FEZ1: variants seen among roughly 807,000 people sequenced by gnomAD.
FEZ1 encodes the protein fasciculation and elongation protein zeta-1.
A neutral mutation model predicts 49.3 loss-of-function variants in FEZ1; 20 were observed. That is an observed-to-expected ratio of 0.41 (90% CI 0.29 to 0.59). FEZ1 has a LOEUF of 0.59. Ranked by LOEUF, FEZ1 falls within the 20% of genes least tolerant of loss-of-function variation. The pLI, the probability that FEZ1 is intolerant of heterozygous loss-of-function variation, is 0.36. For missense variants in FEZ1, 413 were observed against 476.0 expected (o/e 0.87, Z 1.23); for synonymous variants, 170 against 180.9 (o/e 0.94, Z 0.48).
In FEZ1 at chr11:125,489,015, A is replaced by G; in HGVS notation, c.311+452T>C. ...TGTGGACATATCCTAACATCTGTAG[A>G]TAACTCTCCAGGCCTGAGGGGCTGT... On this transcript the variant is annotated intron_variant, in intron 2 of 9. Transcript: ENST00000278919. This position sits in a 1 kb window ranked among gnomAD's most constrained non-coding sequence, Gnocchi z 4.2. 2 of 986,052 alleles carry G rather than the reference A, an allele frequency of 2.0e-6. No individual in the cohort carries two copies. The highest frequency in any genetic ancestry group is 2.4e-6 in the Non-Finnish European group (2 of 830,442). 61.1% of individuals were successfully genotyped at this position (986,052 alleles called of 1,614,324 possible). A position where few individuals can be genotyped will look rare whatever the true frequency, so the allele number is the denominator to read the frequency against.
rs1019125235 is a variant in FEZ1 at position 125,444,478 on chromosome 11, G to C, written c.*1617C>G. Among the ~76,000 whole-genome samples, 4 of 152,110 alleles carry C rather than the reference G, an allele frequency of 2.6e-5. No homozygotes were observed. The highest frequency in any genetic ancestry group is 7.2e-5 in the African/African-American group (3 of 41,400). On this transcript the variant is annotated 3_prime_UTR_variant, in exon 10 of 10. Coordinates refer to ENST00000278919, the MANE Select transcript of FEZ1 (RefSeq NM_005103.5). ...TGCATGCCTGTAATCCCAGCTACTC[G>C]GGAGGCTGAGGCAGGAGAATCACTT... is the stretch of plus-strand genomic sequence containing the variant.
At chr11:125,473,383 C>T (rs1250009174) in intron 3 of FEZ1, among the ~76,000 whole-genome samples, 1 of 152,168 alleles carries the variant, frequency 6.6e-6, no homozygotes, top group Non-Finnish European at 1.5e-5. Context: ...CTGTGGAGTG[C>T]CTCGGTAGTC....
At chr11:125,484,616 C>T (rs562234819) in intron 2 of FEZ1, among the ~76,000 whole-genome samples, 7 of 148,380 alleles carry the variant, frequency 4.7e-5, no homozygotes, top group South Asian at 2.1e-4. Context: ...TGCAGTGAGC[C>T]GAGATGGCGC....
chr11:125,449,334 T>G (rs570024056), intron 8 of FEZ1, among the ~76,000 whole-genome samples: 1 of 131,994 alleles, frequency 7.6e-6, no homozygotes, highest in African/African-American at 2.9e-5. Flanking sequence ...GCCACTGCAC[T>G]CCAACCTGGG....
At chr11:125,492,951 A>C (rs1249496665) in intron 1 of FEZ1, among the ~76,000 whole-genome samples, 2 of 150,634 alleles carry the variant, frequency 1.3e-5, no homozygotes, top group Non-Finnish European at 3.0e-5. Context: ...CTGGGTGACA[A>C]AGTGAGACCC....
At chr11:125,478,295 A>T (rs1436564371) in intron 3 of FEZ1, among the ~76,000 whole-genome samples, 1 of 152,158 alleles carries the variant, frequency 6.6e-6, no homozygotes, top group Non-Finnish European at 1.5e-5. Flanking sequence ...TACAAAAATT[A>T]GCTGAGCATG....
intron 6 of FEZ1, 40 bp downstream of exon 6, chr11:125,455,795 G>A: frequency 6.2e-7 from 1 of 1,610,766 alleles, no homozygotes; most frequent in Non-Finnish European, 8.5e-7. Flanking sequence ...CAGGGTTGGA[G>A]GTTGGAGGCA....
chr11:125,468,070 A>T (rs1329921047), intron 3 of FEZ1, among the ~76,000 whole-genome samples: 1 of 152,228 alleles, frequency 6.6e-6, no homozygotes, highest in East Asian at 1.9e-4. Flanking sequence ...TTGACCTAAA[A>T]ATGTAAATGT....
intron 5 of FEZ1, among the ~76,000 whole-genome samples, chr11:125,458,909 T>A (rs1957044725): frequency 6.6e-6 from 1 of 151,764 alleles, no homozygotes; most frequent in South Asian, 2.1e-4. Context: ...CTACTAAGAA[T>A]ATAAAAATTA....
At chr11:125,462,369 T>C (rs1210342813) in intron 4 of FEZ1, among the ~76,000 whole-genome samples, 1 of 152,240 alleles carries the variant, frequency 6.6e-6, no homozygotes, top group African/African-American at 2.4e-5. Context: ...TCTATCTTTT[T>C]TCACAAAGTC....
At chr11:125,463,072 G>A (rs904399063) in intron 4 of FEZ1, among the ~76,000 whole-genome samples, 21 of 151,792 alleles carry the variant, frequency 1.4e-4, no homozygotes, top group African/African-American at 4.8e-4. Flanking sequence ...GGTTGAGGTG[G>A]GCAGATCACT....
rs184598862 is a variant in FEZ1 at position 125,491,283 on chromosome 11, A to T, written c.-45-1461T>A. 2.1e-4 allele frequency among the ~76,000 whole-genome samples: 32 copies of T among 152,240 alleles called. 1 individual carries two copies. Among genetic ancestry groups the T allele is most frequent in the African/African-American group, 7.2e-4 (30 of 41,538 alleles). On this transcript the variant is annotated intron_variant, in intron 1 of 9. Transcript: ENST00000278919. ...ACCCCTCATCGGGCCATCTTCATGC[A>T]CTGCTTCCAACTGTGATTTATCCAT...
intron 6 of FEZ1, among the ~76,000 whole-genome samples, chr11:125,455,173 C>T (rs1022699055): frequency 1.3e-5 from 2 of 151,068 alleles, no homozygotes; most frequent in African/African-American, 2.4e-5. Context: ...GGCAAATCAC[C>T]TGAGATCAGG....
At chr11:125,488,675 A>G (rs1453613261) in intron 2 of FEZ1, 2 of 973,466 alleles carry the variant, frequency 2.1e-6, no homozygotes, top group East Asian at 1.1e-4. Context: ...ATGAAACTTC[A>G]TCTCAAAAAA....
At chr11:125,452,308 TCTGG>T in intron 8 of FEZ1, 22 bp downstream of exon 8, 1 of 1,496,726 alleles carries the variant, frequency 6.7e-7, no homozygotes, top group Non-Finnish European at 9.3e-7. Context: ...GAGCCACTGA[TCTGG>T]CTGAGAACAA....
chr11:125,449,511 G>GAA lies in FEZ1; in HGVS notation c.1097-945_1097-944insTT, dbSNP rs547229522. 4.1e-4 allele frequency among the ~76,000 whole-genome samples: 60 copies of GAA among 147,984 alleles called. No individual in the cohort carries two copies. In the South Asian group the frequency reaches 7.3e-3, roughly 18 times the overall value. ...CAAGACATAGTTATCAGTGAAGAAA[G>GAA]GTTACAGAACATTTATTAACTTTAT... On this transcript the variant is annotated intron_variant, in intron 8 of 9. Transcript: ENST00000278919.
chr11:125,456,313 C>T lies in FEZ1; in HGVS notation c.668-207G>A, dbSNP rs1481508131. On this transcript the variant is annotated intron_variant, in intron 5 of 9. Transcript: ENST00000278919. ...GTACTGACTGCAGAAGAGAACACCCCTCTCAGGAAACAAAGGAGGAAGAAG... is the reference window on the plus strand; with the variant it reads ...GTACTGACTGCAGAAGAGAACACCCTTCTCAGGAAACAAAGGAGGAAGAAG... The T allele has an allele frequency of 7.2e-5, 32 of 447,382 alleles. No homozygotes were observed. In the East Asian group the frequency reaches 7.5e-4, roughly 11 times the overall value. 27.7% of individuals were successfully genotyped at this position (447,382 alleles called of 1,614,324 possible). A position where few individuals can be genotyped will look rare whatever the true frequency, so the allele number is the denominator to read the frequency against.
rs1956919765 is a variant in FEZ1 at position 125,448,655 on chromosome 11, G to C, written c.1097-88C>G. 16 of 811,292 alleles carry C rather than the reference G, an allele frequency of 2.0e-5. 1 individual carries two copies. The South Asian group carries it at 2.1e-4, about 11-fold the overall frequency. The allele number at this position is 811,292 out of a possible 1,614,324, so 50.3% of individuals were successfully genotyped here. A position where few individuals can be genotyped will look rare whatever the true frequency, so the allele number is the denominator to read the frequency against. On this transcript the variant is annotated intron_variant, in intron 8 of 9. Coordinates refer to ENST00000278919, the MANE Select transcript of FEZ1 (RefSeq NM_005103.5). ...CACATGACCCACCAGCCCAGAGTGA[G>C]AGAGAAATGATTCAAAAGAACCAGA... is the stretch of plus-strand genomic sequence containing the variant.
At chr11:125,481,893 C>A in intron 2 of FEZ1, 2 of 500,258 alleles carry the variant, frequency 4.0e-6, no homozygotes, top group South Asian at 6.1e-5. Context: ...CATTGAGATA[C>A]AAATGGCAGC....
Sources: allele counts gnomAD v4.1 joint callset (sites outside exome capture counted in the v4.1 genomes callset), GRCh38; gene constraint gnomAD v4.1.1; non-coding constraint Gnocchi (gnomAD v3.1); transcripts MANE v1.5; gene names NCBI Gene and HGNC (gene_info 2026-07-23, HGNC 2026-07-21).